NRIP1: variants seen among roughly 807,000 people sequenced by gnomAD.
The protein encoded by NRIP1 is nuclear receptor-interacting protein 1.
Under a neutral mutation model 75.0 loss-of-function variants are expected in NRIP1, and 28 were observed. The observed-to-expected ratio is 0.37, with a 90% confidence interval of 0.28 to 0.51. The LOEUF (loss-of-function observed/expected upper bound fraction) is 0.51. NRIP1 is among the 20% of genes least tolerant of loss of function. The pLI, the probability that NRIP1 is intolerant of heterozygous loss-of-function variation, is 0.92. For synonymous variants in NRIP1, 526 were observed against 487.6 expected, an observed-to-expected ratio of 1.08 and a Z score of -1.04; for missense variants, 1,435 against 1,343.7, an observed-to-expected ratio of 1.07 and a Z score of -1.06.
rs367882077 is a variant in NRIP1 at position 15,052,862 on chromosome 21, A to T, written c.-537-9288T>A. On this transcript the variant is annotated intron_variant, in intron 1 of 3. Coordinates refer to ENST00000318948, the MANE Select transcript of NRIP1 (RefSeq NM_003489.4). ...TTCCTTCCATTTACTTCATACAATTAAAAAAAAGGTTCCTACCACTCTCAC... is the reference window on the plus strand; with the variant it reads ...TTCCTTCCATTTACTTCATACAATTTAAAAAAAGGTTCCTACCACTCTCAC... Among the ~76,000 whole-genome samples, 15 of 152,020 alleles carry T rather than the reference A, an allele frequency of 9.9e-5. No individual in the cohort carries two copies. In the East Asian group the frequency reaches 1.9e-3, roughly 20 times the overall value.
intron 2 of NRIP1, among the ~76,000 whole-genome samples, chr21:15,023,040 G>A (rs149275479): frequency 3.7e-4 from 57 of 152,246 alleles, no homozygotes; most frequent in Non-Finnish European, 7.1e-4. Flanking sequence ...CAGAAGGATC[G>A]GTGGTTGTCT....
chr21:14,977,389 C>G (rs570944472), intron 3 of NRIP1, among the ~76,000 whole-genome samples: 1 of 152,160 alleles, frequency 6.6e-6, no homozygotes, highest in Non-Finnish European at 1.5e-5. Context: ...AATTTACCAA[C>G]AGGATGTAAC....
chr21:15,001,370 T>G (rs1236125405), intron 3 of NRIP1, among the ~76,000 whole-genome samples: 2 of 152,168 alleles, frequency 1.3e-5, no homozygotes, highest in African/African-American at 2.4e-5. Flanking sequence ...CAGTACAGAT[T>G]TATACACAAC....
At chr21:15,009,778 A>G (rs1241317474) in intron 3 of NRIP1, among the ~76,000 whole-genome samples, 2 of 152,264 alleles carry the variant, frequency 1.3e-5, no homozygotes, top group Non-Finnish European at 2.9e-5. Flanking sequence ...TATAAAAGTT[A>G]TAATTAAATT....
intron 3 of NRIP1, among the ~76,000 whole-genome samples, chr21:14,978,557 A>G (rs2087142246): frequency 6.6e-6 from 1 of 152,220 alleles, no homozygotes; most frequent in African/African-American, 2.4e-5. Flanking sequence ...CTATATACTG[A>G]ATAAAATGGA....
In NRIP1 at chr21:14,965,257, G is replaced by T. The variant is rs2086699841; in HGVS notation, c.2936C>A (p.Ser979Tyr). Residue 979 changes from serine to tyrosine, a missense_variant, in exon 4 of 4, where the codon TCT becomes TAT. Transcript: ENST00000318948. ...ACTGTACATCAGTCCATTTAAAGAA[G>T]AAATGCTAAATTCAGGTTTGCTGTT... is the stretch of plus-strand genomic sequence containing the variant. ...VTNSKPEFSI[S>Y]SLNGLMYSST... 1 of 1,613,878 alleles carries T rather than the reference G, an allele frequency of 6.2e-7. No homozygotes were observed. The highest frequency in any genetic ancestry group is 8.5e-7 in the Non-Finnish European group (1 of 1,179,948).
intron 2 of NRIP1, among the ~76,000 whole-genome samples, chr21:15,016,916 AAG>A (rs922186780): frequency 3.4e-4 from 51 of 151,104 alleles, no homozygotes; most frequent in Admixed American, 5.9e-4. Context: ...GAAGGAAAGA[AAG>A]AGAGAGAGAG....
At chr21:15,044,492 TGATAAGGGAGGTACCATGC>T (rs972214327) in intron 1 of NRIP1, among the ~76,000 whole-genome samples, 2 of 151,878 alleles carry the variant, frequency 1.3e-5, no homozygotes, top group Non-Finnish European at 2.9e-5. Flanking sequence ...AAGCTAGCGG[TGATAAGGGAGGTACCATGC>T]GAACTCCCTG....
intron 2 of NRIP1, among the ~76,000 whole-genome samples, chr21:15,022,316 A>G (rs904446334): frequency 6.6e-6 from 1 of 152,198 alleles, no homozygotes; most frequent in Non-Finnish European, 1.5e-5. Flanking sequence ...TTGTCACTTA[A>G]AAGTGGGAGC....
chr21:14,989,543 C>T (rs909019942), intron 3 of NRIP1, among the ~76,000 whole-genome samples: 10 of 152,166 alleles, frequency 6.6e-5, no homozygotes, highest in African/African-American at 2.4e-4. Flanking sequence ...AATAACATAT[C>T]TTTCACAGGA....
intron 3 of NRIP1, among the ~76,000 whole-genome samples, chr21:15,009,667 G>T (rs943775232): frequency 6.6e-6 from 1 of 152,194 alleles, no homozygotes; most frequent in Non-Finnish European, 1.5e-5. Context: ...CAATGGCATA[G>T]AGTATGTTCT....
At chr21:15,048,186 T>C (rs1424846845) in intron 1 of NRIP1, among the ~76,000 whole-genome samples, 7 of 152,028 alleles carry the variant, frequency 4.6e-5, no homozygotes, top group East Asian at 1.9e-4. Context: ...TATAATAATA[T>C]GAAAAAGTTT....
intron 3 of NRIP1, among the ~76,000 whole-genome samples, chr21:15,008,349 T>G (rs1463340429): frequency 2.0e-5 from 3 of 151,674 alleles, no homozygotes; most frequent in Admixed American, 1.3e-4. Context: ...AACTTCATTT[T>G]GTGAAACTTT....
Position 14,966,354 on chromosome 21 carries a change from T to C in NRIP1, c.1839A>G (p.Pro613=). ...TKSKDPPGEK[P]AQNEGAQNSA... is the part of the protein sequence containing the mutation. ...AGTTCTGTGCACCTTCATTTTGGGC[T>C]GGTTTCTCTCCTGGTGGGTCTTTGC... The change falls in exon 4 of 4, where the codon CCA becomes CCG. Residue 613 remains proline, a synonymous_variant. Coordinates refer to ENST00000318948, the MANE Select transcript of NRIP1 (RefSeq NM_003489.4). The C allele has an allele frequency of 1.2e-6, 2 of 1,614,082 alleles. No individual in the cohort carries two copies. The highest frequency in any genetic ancestry group is 1.7e-6 in the Non-Finnish European group (2 of 1,179,960).
At chr21:15,039,079 T>TAAA (rs2147302696) in intron 2 of NRIP1, among the ~76,000 whole-genome samples, 1 of 152,236 alleles carries the variant, frequency 6.6e-6, no homozygotes, top group South Asian at 2.1e-4. Context: ...TTGAATTGTG[T>TAAA]GGTCACCAGG....
chr21:14,965,044 T>G lies in NRIP1; in HGVS notation c.3149A>C (p.Glu1050Ala). The change falls in exon 4 of 4, where the codon GAG becomes GCG. Residue 1050 changes from glutamate to alanine, a missense_variant. By Grantham distance (107) the Glu-to-Ala change is moderately radical. Transcript: ENST00000318948. ...GPIKWVITDA[E>A]KNEYEKDSPR... Reference sequence around the variant, plus strand: ...AGAGTCTTTTTCATACTCATTCTTCTCCGCATCAGTGATAACCCACTTAAT... The same window carrying G: ...AGAGTCTTTTTCATACTCATTCTTCGCCGCATCAGTGATAACCCACTTAAT... The G allele has an allele frequency of 6.2e-7, 1 of 1,613,956 alleles. No homozygotes were observed. Among genetic ancestry groups the G allele is most frequent in the Non-Finnish European group, 8.5e-7 (1 of 1,179,920 alleles).
chr21:15,012,045 C>G lies in NRIP1; in HGVS notation c.-335+2299G>C, dbSNP rs549143424. Among the ~76,000 whole-genome samples, 16 of 152,274 alleles carry G rather than the reference C, an allele frequency of 1.1e-4. No individual in the cohort carries two copies. In the East Asian group the frequency reaches 3.1e-3, roughly 29 times the overall value. Reference sequence around the variant, plus strand: ...TTGAGCTTTCAGTCAAAAAAAATTACTATACTTAAAAATATAACATGAGTG... The same window carrying G: ...TTGAGCTTTCAGTCAAAAAAAATTAGTATACTTAAAAATATAACATGAGTG... On this transcript the variant is annotated intron_variant, in intron 3 of 3. Transcript: ENST00000318948.
At chr21:15,023,695 T>C (rs1239797807) in intron 2 of NRIP1, among the ~76,000 whole-genome samples, 3 of 152,178 alleles carry the variant, frequency 2.0e-5, no homozygotes, top group Non-Finnish European at 4.4e-5. Context: ...GTTTAATAAG[T>C]TGATTCTAAA....
At chr21:15,052,790 T>C (rs910398209) in intron 1 of NRIP1, among the ~76,000 whole-genome samples, 1 of 152,140 alleles carries the variant, frequency 6.6e-6, no homozygotes, top group South Asian at 2.1e-4. Flanking sequence ...CAAAGTAACA[T>C]GCTATCATTA....
Sources: allele counts gnomAD v4.1 joint callset (sites outside exome capture counted in the v4.1 genomes callset), GRCh38; gene constraint gnomAD v4.1.1; transcripts MANE v1.5; gene names NCBI Gene and HGNC (gene_info 2026-07-23, HGNC 2026-07-21).